Variants in UBIAD1 observed in about 807,000 individuals in gnomAD.
The protein encoded by UBIAD1 is UbiA prenyltransferase domain containing 1.
In UBIAD1, 12 loss-of-function variants were observed where a neutral mutation model predicts 20.1. That is an observed-to-expected ratio of 0.60 (90% CI 0.38 to 0.97). The LOEUF is 0.97. UBIAD1 is among the 50% of genes least tolerant of loss of function. The pLI is 0.00. For missense variants in UBIAD1, 333 were observed against 419.5 expected, an observed-to-expected ratio of 0.79 and a Z score of 1.80; for synonymous variants, 207 against 189.2, an observed-to-expected ratio of 1.09 and a Z score of -0.77.
chr1:11,274,150 G>C, intron 1 of UBIAD1, 90 bp downstream of exon 1: 9 of 1,524,186 alleles, frequency 5.9e-6, no homozygotes, highest in Non-Finnish European at 7.2e-6. Flanking sequence ...GATGTCAAAG[G>C]TGGCTTTCTA....
chr1:11,291,547 C>T (rs1020249396), downstream of UBIAD1, among the ~76,000 whole-genome samples: 17 of 145,058 alleles, frequency 1.2e-4, no homozygotes, highest in Admixed American at 1.0e-3. Flanking sequence ...GCAGAGATTG[C>T]AGTCAGCTAA....
downstream of UBIAD1, among the ~76,000 whole-genome samples, chr1:11,289,098 C>T (rs72633734): frequency 7.2e-3 from 1,102 of 152,216 alleles, 4 homozygotes; most frequent in Middle Eastern, 0.017. Context: ...AGGCATTGGA[C>T]AATATATCCT....
chr1:11,299,182 C>T (rs1457639399), downstream of UBIAD1, among the ~76,000 whole-genome samples: 1 of 152,242 alleles, frequency 6.6e-6, no homozygotes, highest in Admixed American at 6.5e-5. Context: ...CCTTGTTTCT[C>T]TCAGTGGCGG....
At chr1:11,294,753 C>G in intron 1 of UBIAD1, 1 of 713,670 alleles carries the variant, frequency 1.4e-6, no homozygotes, top group Non-Finnish European at 2.6e-6. Flanking sequence ...CTGCCCATCC[C>G]CAGATAATGG....
At chr1:11,274,530 C>G (rs533503701) in intron 1 of UBIAD1, among the ~76,000 whole-genome samples, 1 of 151,562 alleles carries the variant, frequency 6.6e-6, no homozygotes, top group African/African-American at 2.4e-5. Flanking sequence ...ATTTCCTGAC[C>G]TCGTGATCCA....
In UBIAD1 at chr1:11,285,765, T is replaced by C; in HGVS notation, c.651T>C (p.Tyr217=). 1 of 1,614,196 alleles carries C rather than the reference T, an allele frequency of 6.2e-7. No individual in the cohort carries two copies. Among genetic ancestry groups the C allele is most frequent in the African/African-American group, 1.3e-5 (1 of 75,060 alleles). ...VGSLAIFPLV[Y]AIPLALSTEA... ...CCCTGGCCATCTTCCCACTGGTCTA[T>C]GCCATCCCCCTCGCCCTCAGCACCG... Residue 217 remains tyrosine (Y), a synonymous_variant, in exon 2 of 2, where the codon TAT becomes TAC. Transcript: ENST00000376810. The surrounding 1 kb of genome is among the most constrained non-coding windows in gnomAD (Gnocchi z 4.4).
rs1267114875 is a variant in UBIAD1, at chr1:11,273,559, A to G, written c.28A>G (p.Lys10Glu). The stretch of plus-strand genomic sequence containing the variant: ...GGCGGCCTCTCAGGTCCTGGGGGAG[A>G]AGATTAACATCCTGTCGGGAGAGAC... MAASQVLGE[K>E]INILSGETVK... Residue 10 changes from lysine to glutamate, a missense_variant, in exon 1 of 2, where the codon AAG becomes GAG. Around this residue, in one of 3 missense-constraint regions of UBIAD1, gnomAD observed 57 missense variants for 54.7 expected, o/e 1.04. Coordinates refer to ENST00000376810, the MANE Select transcript of UBIAD1 (RefSeq NM_013319.3). This position sits in a 1 kb window ranked among gnomAD's most constrained non-coding sequence, Gnocchi z 4.9. The G allele has an allele frequency of 1.2e-6, 2 of 1,613,042 alleles. No individual in the cohort carries two copies. Among genetic ancestry groups the G allele is most frequent in the South Asian group, 2.2e-5 (2 of 91,060 alleles).
intron 1 of UBIAD1, among the ~76,000 whole-genome samples, chr1:11,280,051 G>A (rs1376451030): frequency 2.0e-5 from 3 of 152,232 alleles, no homozygotes; most frequent in Non-Finnish European, 4.4e-5. Flanking sequence ...AATCAATGAG[G>A]TGGTGTAATA....
At chr1:11,276,525 G>T (rs753813580) in intron 1 of UBIAD1, among the ~76,000 whole-genome samples, 2 of 151,622 alleles carry the variant, frequency 1.3e-5, no homozygotes, top group African/African-American at 4.9e-5. Flanking sequence ...TTAGCCAGGC[G>T]TGGTGGCATG....
chr1:11,294,108 T>G (rs1638409191), intron 1 of UBIAD1, among the ~76,000 whole-genome samples: 1 of 152,238 alleles, frequency 6.6e-6, no homozygotes, highest in Non-Finnish European at 1.5e-5. Flanking sequence ...ATGCTCACTA[T>G]GGACCAGGCA....
Position 11,285,845 on chromosome 1 carries a change from G to A in UBIAD1, c.731G>A (p.Gly244Asp). The stretch of plus-strand genomic sequence containing the variant: ...GACATGGAGTCCGACCGGGAGGCTG[G>A]TATCGTCACGCTGGCCATCCTCATC... ...TRDMESDREAGIVTLAILIGP... is the reference protein window; with the variant it reads ...TRDMESDREADIVTLAILIGP... Residue 244 changes from glycine to aspartate, a missense_variant, in exon 2 of 2, where the codon GGT becomes GAT. Gly to Asp is a moderately conservative substitution (Grantham distance 94). Transcript: ENST00000376810. This position sits in a 1 kb window ranked among gnomAD's most constrained non-coding sequence, Gnocchi z 4.4. The A allele has an allele frequency of 6.2e-7, 1 of 1,614,144 alleles. No individual in the cohort carries two copies. The highest frequency in any genetic ancestry group is 8.5e-7 in the Non-Finnish European group (1 of 1,180,018).
downstream of UBIAD1, among the ~76,000 whole-genome samples, chr1:11,297,108 ACT>A (rs1044106172): frequency 1.1e-4 from 17 of 152,204 alleles, no homozygotes; most frequent in African/African-American, 3.4e-4. Context: ...TCATTGTGAA[ACT>A]CTCTGCTGTG....
intron 1 of UBIAD1, among the ~76,000 whole-genome samples, chr1:11,274,724 C>T (rs770640059): frequency 4.6e-5 from 7 of 152,068 alleles, no homozygotes; most frequent in Admixed American, 6.6e-5. Context: ...ATTCTTCTGC[C>T]TCAGCTCCCC....
In UBIAD1 at chr1:11,285,661, G is replaced by C. The variant is rs749579209; in HGVS notation, c.547G>C (p.Val183Leu). ...LYTGGIGFKY[V>L]ALGDLIILIT... ...GGCCGCAGGAATTGGATTCAAGTAC[G>C]TGGCTCTGGGAGACCTCATCATCCT... Residue 183 changes from valine (V) to leucine (L), a missense_variant, in exon 2 of 2, where the codon GTG becomes CTG. Physicochemically the swap from Val to Leu is conservative, Grantham distance 32 (BLOSUM62 1). This residue lies in a region of UBIAD1 where 226 missense variants were observed against 263.5 expected (regional missense o/e 0.86). Coordinates refer to ENST00000376810, the MANE Select transcript of UBIAD1 (RefSeq NM_013319.3). The surrounding 1 kb of genome is among the most constrained non-coding windows in gnomAD (Gnocchi z 4.4). 6 of 1,613,978 alleles carry C rather than the reference G, an allele frequency of 3.7e-6. No individual in the cohort carries two copies. In the African/African-American group the frequency reaches 5.3e-5, roughly 14 times the overall value.
At chr1:11,274,593 T>C (rs12118041) in intron 1 of UBIAD1, among the ~76,000 whole-genome samples, 24,155 of 149,758 alleles carry the variant, frequency 0.16, 3,933 homozygotes, top group African/African-American at 0.42. Context: ...CACCGCGCCC[T>C]GTCAGGACAT....
chr1:11,273,978 C>T lies in UBIAD1; in HGVS notation c.447C>T (p.Leu149=), dbSNP rs761216594. 8 of 1,614,104 alleles carry T rather than the reference C, an allele frequency of 5.0e-6. No homozygotes were observed. The Admixed American group carries it at 8.3e-5, about 17-fold the overall frequency. Residue 149 remains leucine, a synonymous_variant, in exon 1 of 2, where the codon CTC becomes CTT. Coordinates refer to ENST00000376810, the MANE Select transcript of UBIAD1 (RefSeq NM_013319.3). The surrounding 1 kb of genome is among the most constrained non-coding windows in gnomAD (Gnocchi z 4.9). ...YTLGCVCAAC[L]YYLSPLKLEH... is the part of the protein sequence containing the mutation. The stretch of plus-strand genomic sequence containing the variant: ...TGGGCTGCGTCTGTGCCGCTTGCCT[C>T]TACTACCTGTCCCCTCTGAAACTGG...
At chr1:11,278,304 C>T (rs944921731) in intron 1 of UBIAD1, among the ~76,000 whole-genome samples, 7 of 152,216 alleles carry the variant, frequency 4.6e-5, no homozygotes, top group Non-Finnish European at 7.4e-5. Context: ...ACACATGCTT[C>T]CACTGCCATC....
At chr1:11,280,653 G>A (rs1023985347) in intron 1 of UBIAD1, among the ~76,000 whole-genome samples, 3 of 152,244 alleles carry the variant, frequency 2.0e-5, no homozygotes, top group South Asian at 2.1e-4. Flanking sequence ...TGTGGGCATC[G>A]TCCTTGACTC....
At position 11,273,607 on chromosome 1, in the gene UBIAD1, C is replaced by T; in HGVS notation, c.76C>T (p.Pro26Ser). 1 of 1,613,984 alleles carries T rather than the reference C, an allele frequency of 6.2e-7. No individual in the cohort carries two copies. The highest frequency in any genetic ancestry group is 1.3e-5 in the African/African-American group (1 of 75,068). ...GACTGTCAAAGCTGGGGACAGGGAC[C>T]CGCTGGGGAACGACTGTCCCGAGCA... ...GETVKAGDRD[P>S]LGNDCPEQDR... Residue 26 changes from proline to serine, a missense_variant, in exon 1 of 2, where the codon CCG becomes TCG. Physicochemically the swap from Pro to Ser is moderately conservative, Grantham distance 74. Around this residue, in one of 3 missense-constraint regions of UBIAD1, gnomAD observed 57 missense variants for 54.7 expected, o/e 1.04. Transcript: ENST00000376810. This position sits in a 1 kb window ranked among gnomAD's most constrained non-coding sequence, Gnocchi z 4.9.
Sources: gnomAD v4.1 joint callset for allele counts (sites outside exome capture counted in the v4.1 genomes callset) on GRCh38, gnomAD v4.1.1 for gene constraint, gnomAD v4.1.1 regional missense constraint, Gnocchi (gnomAD v3.1) non-coding constraint, MANE v1.5 for transcripts, NCBI Gene and HGNC (gene_info 2026-07-23, HGNC 2026-07-21) for gene names.